The following PLCL2 variants were observed in gnomAD, a reference collection of about 807,000 sequenced individuals.
The protein encoded by PLCL2 is phospholipase C like 2.
PLCL2 carries 4 observed loss-of-function variants against 79.6 expected under a neutral mutation model. The ratio of observed to expected loss-of-function variants is 0.05; its 90% CI spans 0.02 to 0.11. The LOEUF (loss-of-function observed/expected upper bound fraction) is 0.11. Ranked by LOEUF, PLCL2 falls within the 10% of genes least tolerant of loss-of-function variation. The pLI, the probability that PLCL2 is intolerant of heterozygous loss-of-function variation, is 1.00. For missense variants in PLCL2, 895 were observed against 1,291.0 expected, an observed-to-expected ratio of 0.69 and a Z score of 4.70; for synonymous variants, 484 against 457.7, an observed-to-expected ratio of 1.06 and a Z score of -0.73.
chr3:16,888,282 TTGAG>T, intron 1 of PLCL2, among the ~76,000 whole-genome samples: 1 of 152,376 alleles, frequency 6.6e-6, no homozygotes, highest in East Asian at 1.9e-4. Context: ...AAATGTGGTG[TTGAG>T]TAAGAAATTG....
intron 1 of PLCL2, among the ~76,000 whole-genome samples, chr3:16,951,334 AT>A (rs1273241351): frequency 1.3e-5 from 2 of 151,862 alleles, no homozygotes; most frequent in Non-Finnish European, 2.9e-5. Flanking sequence ...CATCTGTTTT[AT>A]TTTTTAGTTC....
intron 1 of PLCL2, among the ~76,000 whole-genome samples, chr3:16,945,374 T>A (rs1468445557): frequency 6.6e-6 from 1 of 152,154 alleles, no homozygotes; most frequent in Non-Finnish European, 1.5e-5. Context: ...AAATATTGTG[T>A]TGGTTTTTTA....
chr3:16,885,295 A>G lies in PLCL2; in HGVS notation c.256A>G (p.Ser86Gly). The change falls in exon 1 of 6, where the codon AGC becomes GGC. Residue 86 changes from serine (S) to glycine (G), a missense_variant. By Grantham distance (56) the Ser-to-Gly change is moderately conservative (BLOSUM62 0). Coordinates refer to ENST00000615277, the MANE Select transcript of PLCL2 (RefSeq NM_001144382.2). ...PRGVALAPTPSAVVCTLPRES... is the reference protein window; with the variant it reads ...PRGVALAPTPGAVVCTLPRES... ...CGGCGTTGCGCTCGCCCCGACCCCC[A>G]GCGCGGTCGTCTGTACCCTCCCCCG... The G allele has an allele frequency of 3.0e-6, 2 of 661,044 alleles. No homozygotes were observed. The highest frequency in any genetic ancestry group is 2.3e-5 in the Admixed American group (1 of 44,126). 40.9% of individuals were successfully genotyped at this position (661,044 alleles called of 1,614,324 possible).
chr3:17,031,922 T>G (rs1433041812), intron 3 of PLCL2, among the ~76,000 whole-genome samples: 1 of 148,610 alleles, frequency 6.7e-6, no homozygotes, highest in Non-Finnish European at 1.5e-5. Flanking sequence ...TGTTGCTCAA[T>G]TTTCACCTTT....
intron 5 of PLCL2, among the ~76,000 whole-genome samples, chr3:17,070,481 T>C (rs553098128): frequency 1.3e-5 from 2 of 152,282 alleles, no homozygotes; most frequent in East Asian, 1.9e-4. Context: ...GATGGGGTAA[T>C]AGGTCTTTTT....
At chr3:17,038,696 A>G (rs955782506) in intron 3 of PLCL2, among the ~76,000 whole-genome samples, 6 of 152,198 alleles carry the variant, frequency 3.9e-5, no homozygotes, top group African/African-American at 1.4e-4. Flanking sequence ...CTTTATAGAA[A>G]CATTGTTCTA....
intron 1 of PLCL2, among the ~76,000 whole-genome samples, chr3:16,958,628 CTT>C (rs1398986333): frequency 9.2e-5 from 14 of 152,182 alleles, no homozygotes; most frequent in East Asian, 1.9e-4. Flanking sequence ...GTGTCAAACT[CTT>C]ATATATAAAA....
At chr3:17,063,217 TCTTCCTTC>T (rs1466933647) in intron 4 of PLCL2, among the ~76,000 whole-genome samples, 1 of 46,994 alleles carries the variant, frequency 2.1e-5, no homozygotes, top group African/African-American at 7.4e-5. Context: ...TGTCTCTTTC[TCTTCCTTC>T]CTCCCTCCCT....
chr3:17,046,171 G>C (rs1418770153), intron 4 of PLCL2, among the ~76,000 whole-genome samples: 1 of 152,186 alleles, frequency 6.6e-6, no homozygotes, highest in Non-Finnish European at 1.5e-5. Flanking sequence ...ATGTTCTCAA[G>C]TAGGAGATTG....
At chr3:17,006,944 CAG>C (rs200788941) in intron 1 of PLCL2, among the ~76,000 whole-genome samples, 3,125 of 152,120 alleles carry the variant, frequency 0.021, 49 homozygotes, top group Non-Finnish European at 0.032. Context: ...GAAAGTGTAA[CAG>C]AATATTAATC....
intron 4 of PLCL2, among the ~76,000 whole-genome samples, chr3:17,044,574 G>C (rs1160039150): frequency 1.3e-5 from 2 of 152,116 alleles, no homozygotes; most frequent in African/African-American, 4.8e-5. Context: ...AAAGCACTAA[G>C]ATTATATATC....
At chr3:17,089,334 A>G (rs535332796) in intron 5 of PLCL2, among the ~76,000 whole-genome samples, 1 of 152,186 alleles carries the variant, frequency 6.6e-6, no homozygotes, top group African/African-American at 2.4e-5. Context: ...TCTCTGTACT[A>G]TATTTGTATC....
intron 1 of PLCL2, among the ~76,000 whole-genome samples, chr3:16,903,183 C>T (rs1293164247): frequency 6.6e-6 from 1 of 152,116 alleles, no homozygotes; most frequent in African/African-American, 2.4e-5. Context: ...CAACTGTGAT[C>T]ATCTTTAGAC....
intron 1 of PLCL2, among the ~76,000 whole-genome samples, chr3:16,958,285 T>C (rs2063724819): frequency 6.6e-6 from 1 of 152,222 alleles, no homozygotes; most frequent in Admixed American, 6.5e-5. Context: ...CAATGAACCA[T>C]TAATTGTAGA....
At chr3:17,034,924 T>C (rs2064627934) in intron 3 of PLCL2, among the ~76,000 whole-genome samples, 1 of 152,016 alleles carries the variant, frequency 6.6e-6, no homozygotes, top group South Asian at 2.1e-4. Flanking sequence ...AGCACCTCTC[T>C]CTGTACACGC....
Position 17,012,004 on chromosome 3 carries a change from A to G in PLCL2, c.2658A>G (p.Gly886=). The G allele has an allele frequency of 1.2e-6, 2 of 1,614,096 alleles. No individual in the cohort carries two copies. Among genetic ancestry groups the G allele is most frequent in the East Asian group, 2.2e-5 (1 of 44,868 alleles). The part of the protein sequence containing the change: ...VHVAITNRRG[G]GKPHKRGLSV... ...TGGCTATTACTAACCGAAGAGGAGGAGGAAAGCCTCATAAAAGGGGCCTTT... is the reference window on the plus strand; with the variant it reads ...TGGCTATTACTAACCGAAGAGGAGGGGGAAAGCCTCATAAAAGGGGCCTTT... The change falls in exon 2 of 6, where the codon GGA becomes GGG. Residue 886 remains glycine (G), a synonymous_variant. Transcript: ENST00000615277.
At position 17,011,980 on chromosome 3, in the gene PLCL2, G is replaced by A. The variant is rs1419388801; in HGVS notation, c.2634G>A (p.Val878=). The part of the protein sequence containing the change: ...VLAHASLFVH[V]AITNRRGGGK... ...CACATGCTTCTTTATTTGTCCACGT[G>A]GCTATTACTAACCGAAGAGGAGGAG... The change falls in exon 2 of 6, where the codon GTG becomes GTA. Residue 878 remains valine, a synonymous_variant. Transcript: ENST00000615277. This position sits in a 1 kb window ranked among gnomAD's most constrained non-coding sequence, Gnocchi z 7.9. 6.2e-7 allele frequency: 1 copy of A among 1,614,158 alleles called. No individual in the cohort carries two copies. Among genetic ancestry groups the A allele is most frequent in the Admixed American group, 1.7e-5 (1 of 60,012 alleles).
intron 5 of PLCL2, among the ~76,000 whole-genome samples, chr3:17,069,818 A>C (rs2065045826): frequency 6.6e-6 from 1 of 152,166 alleles, no homozygotes; most frequent in South Asian, 2.1e-4. Context: ...TTCTTCAGAC[A>C]TTTCCCTTTT....
In PLCL2 at chr3:17,043,302, T is replaced by TG. The variant is rs1414253150; in HGVS notation, c.3094+353_3094+354insG. ...TCCTGCTGGTCACCCGTGACTCTGG[T>TG]ACACAGTAGGATAGGTAAGGCTTGA... On this transcript the variant is annotated intron_variant, in intron 4 of 5. Coordinates refer to ENST00000615277, the MANE Select transcript of PLCL2 (RefSeq NM_001144382.2). 7.2e-5 allele frequency among the ~76,000 whole-genome samples: 11 copies of TG among 152,336 alleles called. No homozygotes were observed. The South Asian group carries it at 1.7e-3, about 23-fold the overall frequency.
Sources: gnomAD v4.1 joint callset for allele counts (sites outside exome capture counted in the v4.1 genomes callset) on GRCh38, gnomAD v4.1.1 for gene constraint, Gnocchi (gnomAD v3.1) non-coding constraint, MANE v1.5 for transcripts, NCBI Gene and HGNC (gene_info 2026-07-23, HGNC 2026-07-21) for gene names.